EYS: variants seen among roughly 807,000 people sequenced by gnomAD.
EYS encodes protein eyes shut homolog.
Under a neutral mutation model 282.1 loss-of-function variants are expected in EYS, and 250 were observed. That is an observed-to-expected ratio of 0.89 (90% CI 0.80 to 0.98). The LOEUF (loss-of-function observed/expected upper bound fraction) is 0.98, where lower values mean the gene tolerates loss of function less well. Ranked by LOEUF, EYS falls within the 50% of genes least tolerant of loss-of-function variation. EYS has a pLI of 0.00. For synonymous variants in EYS, 1,355 were observed against 1,282.9 expected (o/e 1.06, Z -1.20); for missense variants, 4,016 against 3,709.0 (o/e 1.08, Z -2.15).
chr6:64,343,685 G>C (rs892626098), intron 29 of EYS, among the ~76,000 whole-genome samples: 3 of 152,100 alleles, frequency 2.0e-5, no homozygotes, highest in Non-Finnish European at 4.4e-5. Context: ...AAAGCTAGCA[G>C]AAGGCAAGAA....
intron 14 of EYS, among the ~76,000 whole-genome samples, chr6:64,956,112 C>A (rs1311170295): frequency 6.6e-6 from 1 of 152,036 alleles, no homozygotes; most frequent in Admixed American, 6.6e-5. Flanking sequence ...GTATATGAAA[C>A]CACAAAAGAC....
intron 24 of EYS, among the ~76,000 whole-genome samples, chr6:64,611,423 A>G (rs887161192): frequency 2.0e-5 from 3 of 152,144 alleles, no homozygotes; most frequent in Non-Finnish European, 4.4e-5. Flanking sequence ...ATTTTTTAAT[A>G]TTACTACCAA....
chr6:65,642,653 C>A (rs1031183742), intron 1 of EYS, among the ~76,000 whole-genome samples: 1 of 152,138 alleles, frequency 6.6e-6, no homozygotes, highest in African/African-American at 2.4e-5. Flanking sequence ...TAGGTCAATA[C>A]AAATATTCAC....
At chr6:64,705,140 A>G (rs1770960248) in intron 22 of EYS, among the ~76,000 whole-genome samples, 3 of 152,202 alleles carry the variant, frequency 2.0e-5, no homozygotes, top group Admixed American at 6.5e-5. Context: ...TTTCAGGATA[A>G]AAGATTAATG....
chr6:64,666,620 C>T (rs914778069), intron 22 of EYS, among the ~76,000 whole-genome samples: 9 of 152,156 alleles, frequency 5.9e-5, no homozygotes. Flanking sequence ...ATAATACCAA[C>T]CAGAAATCAA....
At chr6:64,583,310 A>T (rs1766133485) in intron 26 of EYS, among the ~76,000 whole-genome samples, 1 of 152,104 alleles carries the variant, frequency 6.6e-6, no homozygotes, top group African/African-American at 2.4e-5. Context: ...TTCAAAAAAA[A>T]CCCTAGGATA....
chr6:65,067,894 A>T (rs1346915822), intron 12 of EYS, among the ~76,000 whole-genome samples: 9 of 152,134 alleles, frequency 5.9e-5, no homozygotes, highest in Non-Finnish European at 1.0e-4. Context: ...TTACAGTTTC[A>T]GTAAGGGATA....
chr6:64,224,824 T>G (rs982271567), intron 31 of EYS, among the ~76,000 whole-genome samples: 2 of 141,844 alleles, frequency 1.4e-5, no homozygotes, highest in African/African-American at 5.2e-5. Flanking sequence ...TATGAATGCC[T>G]TTTGTGAATG....
At chr6:65,424,370 T>C (rs1043448680) in intron 5 of EYS, among the ~76,000 whole-genome samples, 1 of 152,040 alleles carries the variant, frequency 6.6e-6, no homozygotes, top group African/African-American at 2.4e-5. Context: ...CAAAAATACT[T>C]TATGGAAAAT....
At chr6:65,629,591 GACTGCACCCTGC>G (rs762812184) in intron 2 of EYS, among the ~76,000 whole-genome samples, 3 of 152,128 alleles carry the variant, frequency 2.0e-5, no homozygotes, top group Non-Finnish European at 2.9e-5. Flanking sequence ...CCTGTCTCAT[GACTGCACCCTGC>G]ACTCTTCAAC....
chr6:65,148,622 C>T lies in EYS; in HGVS notation c.2024-90895G>A, dbSNP rs544014899. Among the ~76,000 whole-genome samples the T allele has an allele frequency of 9.2e-5, 14 of 152,082 alleles. No homozygotes were observed. The East Asian group carries it at 9.8e-4, about 11-fold the overall frequency. The stretch of plus-strand genomic sequence containing the variant: ...TACTGTTCTGGGGGCTGGAGGACAG[C>T]GGACCTCTTCTGACAGCTCCAGTAG... On this transcript the variant is annotated intron_variant, in intron 12 of 42. Transcript: ENST00000503581.
chr6:64,874,142 A>G (rs1012026182), intron 19 of EYS, among the ~76,000 whole-genome samples: 3 of 152,098 alleles, frequency 2.0e-5, no homozygotes, highest in Non-Finnish European at 2.9e-5. Flanking sequence ...GATAAAAATC[A>G]TTGACTTTCG....
intron 5 of EYS, among the ~76,000 whole-genome samples, chr6:65,420,891 C>T (rs1452592878): frequency 6.6e-6 from 1 of 151,552 alleles, no homozygotes; most frequent in Non-Finnish European, 1.5e-5. Flanking sequence ...TTTTCCTGAG[C>T]AGCAGGTCAC....
In EYS at chr6:64,573,210, T is replaced by G. The variant is rs979954311; in HGVS notation, c.5644+17013A>C. On this transcript the variant is annotated intron_variant, in intron 26 of 42. Transcript: ENST00000503581. The stretch of plus-strand genomic sequence containing the variant: ...ATTTAATAAATGGTATTGGGAAAAC[T>G]GGCTAGGCATATGCAGAAAGCTGAA... 8.5e-5 allele frequency among the ~76,000 whole-genome samples: 13 copies of G among 152,334 alleles called. No homozygotes were observed. In the East Asian group the frequency reaches 2.5e-3, roughly 29 times the overall value.
chr6:65,432,584 G>T (rs1032431370), intron 5 of EYS, among the ~76,000 whole-genome samples: 1 of 152,056 alleles, frequency 6.6e-6, no homozygotes, highest in African/African-American at 2.4e-5. Flanking sequence ...AGAATGAGAG[G>T]AGTACAGACG....
chr6:63,995,271 C>T (rs562710700), intron 34 of EYS, among the ~76,000 whole-genome samples: 12 of 151,928 alleles, frequency 7.9e-5, no homozygotes, highest in Non-Finnish European at 1.5e-4. Flanking sequence ...CCAAATAAGA[C>T]ATACAAATGG....
intron 12 of EYS, among the ~76,000 whole-genome samples, chr6:65,187,355 GT>G (rs953719617): frequency 6.6e-6 from 1 of 151,614 alleles, no homozygotes; most frequent in African/African-American, 2.4e-5. Flanking sequence ...TCTTCTTACA[GT>G]TTTTTAATGT....
At chr6:65,602,931 T>C (rs1724990855) in intron 2 of EYS, among the ~76,000 whole-genome samples, 1 of 151,910 alleles carries the variant, frequency 6.6e-6, no homozygotes, top group Non-Finnish European at 1.5e-5. Context: ...ACTCAAATAT[T>C]TAGGAGAATG....
chr6:65,455,422 G>A (rs761202446), intron 5 of EYS, among the ~76,000 whole-genome samples: 1 of 151,790 alleles, frequency 6.6e-6, no homozygotes, highest in South Asian at 2.1e-4. Context: ...TTTCTATAAA[G>A]AATTTTAAGA....
Sources: gnomAD v4.1 joint callset for allele counts (sites outside exome capture counted in the v4.1 genomes callset) on GRCh38, gnomAD v4.1.1 for gene constraint, MANE v1.5 for transcripts, NCBI Gene and HGNC (gene_info 2026-07-23, HGNC 2026-07-21) for gene names.